SCCPDH: variants seen among roughly 807,000 people sequenced by gnomAD.
SCCPDH encodes saccharopine dehydrogenase (putative), also known as saccharopine dehydrogenase-like oxidoreductase.
A neutral mutation model predicts 51.5 loss-of-function variants in SCCPDH; 34 were observed. The observed-to-expected ratio is 0.66, with a 90% confidence interval of 0.50 to 0.88. The LOEUF (loss-of-function observed/expected upper bound fraction) is 0.88, where lower values mean the gene tolerates loss of function less well. SCCPDH is among the 40% of genes least tolerant of loss of function. The pLI is 0.00. For synonymous variants in SCCPDH, 187 were observed against 191.3 expected (o/e 0.98, Z 0.19); for missense variants, 464 against 527.1 (o/e 0.88, Z 1.17).
chr1:246,734,199 A>C (rs754065078), intron 2 of SCCPDH, among the ~76,000 whole-genome samples: 3 of 152,138 alleles, frequency 2.0e-5, no homozygotes, highest in Non-Finnish European at 2.9e-5. Context: ...TGGGGGTGAA[A>C]TAACTTAAGA....
intron 5 of SCCPDH, among the ~76,000 whole-genome samples, chr1:246,744,614 C>G (rs1668731593): frequency 6.6e-6 from 1 of 151,898 alleles, no homozygotes; most frequent in African/African-American, 2.4e-5. Flanking sequence ...AGCCACCATG[C>G]CTGGCTATTT....
chr1:246,741,124 C>A (rs1332768059), intron 4 of SCCPDH, among the ~76,000 whole-genome samples: 1 of 151,750 alleles, frequency 6.6e-6, no homozygotes, highest in African/African-American at 2.4e-5. Context: ...AAACAAAAAA[C>A]AAAACTGAAA....
rs1294205049 is a variant in SCCPDH, at chr1:246,759,244, G to A, written c.813+93G>A. 4.1e-6 allele frequency: 3 copies of A among 738,872 alleles called. No individual in the cohort carries two copies. In the East Asian group the frequency reaches 7.6e-5, roughly 19 times the overall value. The allele number at this position is 738,872 out of a possible 1,614,324, so 45.8% of individuals were successfully genotyped here. A position where few individuals can be genotyped will look rare whatever the true frequency, so the allele number is the denominator to read the frequency against. ...TATTTTTGTTTATAAGGCAGAAAAA[G>A]GAAGAGCTAAGTAATACATGTTTCA... On this transcript the variant is annotated intron_variant, in intron 7 of 11. Coordinates refer to ENST00000366510, the MANE Select transcript of SCCPDH (RefSeq NM_016002.3).
rs1011648529 is a variant in SCCPDH, at chr1:246,749,689, G to A, written c.564+5564G>A. Among the ~76,000 whole-genome samples the A allele has an allele frequency of 4.6e-5, 7 of 152,208 alleles. 1 individual carries two copies. Among genetic ancestry groups the A allele is most frequent in the African/African-American group, 9.7e-5 (4 of 41,450 alleles). On this transcript the variant is annotated intron_variant, in intron 5 of 11. Coordinates refer to ENST00000366510, the MANE Select transcript of SCCPDH (RefSeq NM_016002.3). ...TCCTTGCTCTTTGGTGTTTTATAGA[G>A]CATCGGACAAATTTCGGCAGAGAAG...
chr1:246,724,580 A>G lies in SCCPDH; in HGVS notation c.158A>G (p.Gln53Arg), dbSNP rs1235100643. ...GCGGGCCGCTCCCGGGAGAAGCTGC[A>G]GCGGGTGCTGGAGAAGGCGGCCCTG... ...AVAGRSREKL[Q>R]RVLEKAALKL... The change falls in exon 1 of 12, where the codon CAG becomes CGG. Residue 53 changes from glutamine (Q) to arginine (R), a missense_variant. By Grantham distance (43) the Gln-to-Arg change is conservative. Coordinates refer to ENST00000366510, the MANE Select transcript of SCCPDH (RefSeq NM_016002.3). 2 of 1,523,776 alleles carry G rather than the reference A, an allele frequency of 1.3e-6. No homozygotes were observed. Among genetic ancestry groups the G allele is most frequent in the Admixed American group, 2.1e-5 (1 of 47,396 alleles). The allele number at this position is 1,523,776 out of a possible 1,614,324, so 94.4% of individuals were successfully genotyped here.
chr1:246,752,847 T>A (rs552019872), intron 5 of SCCPDH, among the ~76,000 whole-genome samples: 3 of 152,316 alleles, frequency 2.0e-5, no homozygotes, highest in African/African-American at 7.2e-5. Context: ...ATGAACTGAT[T>A]TGCTTTTATA....
chr1:246,733,568 A>G (rs988031569), intron 2 of SCCPDH, among the ~76,000 whole-genome samples: 1 of 151,722 alleles, frequency 6.6e-6, no homozygotes, highest in Non-Finnish European at 1.5e-5. Context: ...CAGCCTCCCA[A>G]AGTGCTGAGA....
intron 4 of SCCPDH, among the ~76,000 whole-genome samples, chr1:246,742,055 A>T (rs1668689819): frequency 6.6e-6 from 1 of 152,130 alleles, no homozygotes; most frequent in Admixed American, 6.5e-5. Flanking sequence ...GGCGATGGAG[A>T]CTCCGTCTCA....
intron 11 of SCCPDH, 58 bp downstream of exon 11, chr1:246,766,197 T>G: frequency 8.1e-7 from 1 of 1,231,190 alleles, no homozygotes; most frequent in East Asian, 2.3e-5. Context: ...TATTTTAGCT[T>G]ATTTTGATTT....
Position 246,746,107 on chromosome 1 carries a change from C to CAAAAAAAA in SCCPDH, c.564+2000_564+2007dup, listed in dbSNP as rs756929255. On this transcript the variant is annotated intron_variant, in intron 5 of 11. Transcript: ENST00000366510. ...TGGGCGACAGAGCGAGACTCCATCT[C>CAAAAAAAA]AAAAAAAAAAAAAAAAAAAAAAAAA... Among the ~76,000 whole-genome samples the CAAAAAAAA allele has an allele frequency of 1.0e-4, 8 of 79,570 alleles. 1 individual carries two copies. Among genetic ancestry groups the CAAAAAAAA allele is most frequent in the African/African-American group, 4.9e-4 (7 of 14,192 alleles). 52.2% of individuals were successfully genotyped at this position (79,570 alleles called of 152,430 possible).
At position 246,750,655 on chromosome 1, in the gene SCCPDH, T is replaced by C. The variant is rs560590648; in HGVS notation, c.564+6530T>C. ...TCCTATTATCTGAGTCAATGCTTTCTATTAATCTAAACCTGGGTATAATAT... is the reference window on the plus strand; with the variant it reads ...TCCTATTATCTGAGTCAATGCTTTCCATTAATCTAAACCTGGGTATAATAT... On this transcript the variant is annotated intron_variant, in intron 5 of 11. Coordinates refer to ENST00000366510, the MANE Select transcript of SCCPDH (RefSeq NM_016002.3). Among the ~76,000 whole-genome samples the C allele has an allele frequency of 2.4e-4, 37 of 152,354 alleles. No homozygotes were observed. In the South Asian group the frequency reaches 7.5e-3, roughly 31 times the overall value.
intron 3 of SCCPDH, among the ~76,000 whole-genome samples, chr1:246,737,171 A>C (rs1198613605): frequency 6.6e-6 from 1 of 151,896 alleles, no homozygotes; most frequent in Non-Finnish European, 1.5e-5. Context: ...AATTGGTAAA[A>C]TACTGGAAAA....
rs574947148 is a variant in SCCPDH, at chr1:246,741,366, C to T, written c.514+1065C>T. Among the ~76,000 whole-genome samples the T allele has an allele frequency of 1.2e-3, 177 of 151,994 alleles. 1 individual carries two copies. The highest frequency in any genetic ancestry group is 1.5e-3 in the Non-Finnish European group (101 of 67,950). On this transcript the variant is annotated intron_variant, in intron 4 of 11. Transcript: ENST00000366510. ...TTTAAGAGACAGGATCTTGCTCTGCCGTAGCTCACCGTAACGAATGCCTGG... is the reference window on the plus strand; with the variant it reads ...TTTAAGAGACAGGATCTTGCTCTGCTGTAGCTCACCGTAACGAATGCCTGG...
chr1:246,725,143 A>G (rs1668374152), intron 1 of SCCPDH, among the ~76,000 whole-genome samples: 2 of 152,224 alleles, frequency 1.3e-5, no homozygotes, highest in South Asian at 4.1e-4. Flanking sequence ...GTGTGTAAGA[A>G]TACTCCAGCA....
At chr1:246,752,738 G>A (rs371480134) in intron 5 of SCCPDH, among the ~76,000 whole-genome samples, 5 of 151,540 alleles carry the variant, frequency 3.3e-5, no homozygotes, top group African/African-American at 9.7e-5. Flanking sequence ...GGGAGGGGAG[G>A]AATTTTCCCT....
In SCCPDH at chr1:246,766,080, C is replaced by T. The variant is rs1315714890; in HGVS notation, c.1125C>T (p.Pro375=). The part of the protein sequence containing the change: ...KGPEAGYVAT[P]IAMVQAAMTL... Reference sequence around the variant, plus strand: ...CAGAGGCTGGCTATGTGGCTACCCCCATAGCTATGGTTCAGGCAGCCATGA... The same window carrying T: ...CAGAGGCTGGCTATGTGGCTACCCCTATAGCTATGGTTCAGGCAGCCATGA... Residue 375 remains proline, a synonymous_variant, in exon 11 of 12, where the codon CCC becomes CCT. Transcript: ENST00000366510. 6.2e-7 allele frequency: 1 copy of T among 1,613,176 alleles called. No individual in the cohort carries two copies. The highest frequency in any genetic ancestry group is 1.1e-5 in the South Asian group (1 of 90,948).
chr1:246,734,526 T>C (rs1338071603), intron 2 of SCCPDH, among the ~76,000 whole-genome samples: 1 of 152,176 alleles, frequency 6.6e-6, no homozygotes, highest in Admixed American at 6.5e-5. Flanking sequence ...TTTCATGTGG[T>C]TTGTTAATGG....
intron 9 of SCCPDH, among the ~76,000 whole-genome samples, chr1:246,761,598 C>T (rs1669015843): frequency 6.6e-6 from 1 of 152,234 alleles, no homozygotes; most frequent in Admixed American, 6.5e-5. Flanking sequence ...ATTCCGCTTT[C>T]TGTCTCTATG....
intron 9 of SCCPDH, among the ~76,000 whole-genome samples, chr1:246,760,536 C>A (rs1193146145): frequency 6.6e-6 from 1 of 151,232 alleles, no homozygotes; most frequent in African/African-American, 2.5e-5. Flanking sequence ...TTCCAGAAAT[C>A]TCAAATATTC....
Sources: gnomAD v4.1 joint callset for allele counts (sites outside exome capture counted in the v4.1 genomes callset) on GRCh38, gnomAD v4.1.1 for gene constraint, MANE v1.5 for transcripts, NCBI Gene and HGNC (gene_info 2026-07-23, HGNC 2026-07-21) for gene names.